The following KSR1 variants were observed in gnomAD, a reference collection of about 807,000 sequenced individuals.
The protein encoded by KSR1 is kinase suppressor of ras.
KSR1 carries 35 observed loss-of-function variants against 92.9 expected under a neutral mutation model. The ratio of observed to expected loss-of-function variants is 0.38; its 90% CI spans 0.29 to 0.50. KSR1 has a LOEUF of 0.50. Among genes scored for constraint, KSR1 ranks in the 20% least tolerant of loss-of-function variants. The probability of loss-of-function intolerance (pLI) is 0.94; values close to 1 mark genes in which losing one functional copy is unlikely to be tolerated. For missense variants in KSR1, 972 were observed against 1,158.5 expected (o/e 0.84, Z 2.34); for synonymous variants, 467 against 472.6 (o/e 0.99, Z 0.15).
chr17:27,548,259 A>G (rs2071260688), intron 1 of KSR1, among the ~76,000 whole-genome samples: 1 of 151,906 alleles, frequency 6.6e-6, no homozygotes, highest in Non-Finnish European at 1.5e-5. Context: ...AAAGATAAAA[A>G]AAGAAATAAA....
intron 1 of KSR1, among the ~76,000 whole-genome samples, chr17:27,503,174 T>C (rs2069252190): frequency 6.6e-6 from 1 of 152,168 alleles, no homozygotes; most frequent in Non-Finnish European, 1.5e-5. Flanking sequence ...TAATAAAGAG[T>C]ATACTTCTTG....
At chr17:27,623,243 C>G in intron 20 of KSR1, 71 bp from the exon 21 acceptor site, 1 of 722,554 alleles carries the variant, frequency 1.4e-6, no homozygotes, top group Non-Finnish European at 2.5e-6. Context: ...AACTCATTTC[C>G]TAGCTAGTGT....
chr17:27,460,432 A>G (rs1262381204), intron 1 of KSR1, among the ~76,000 whole-genome samples: 1 of 152,050 alleles, frequency 6.6e-6, no homozygotes, highest in African/African-American at 2.4e-5. Flanking sequence ...GTGGAGAAAA[A>G]TCCCTCCTAA....
At chr17:27,570,466 ATC>A (rs1422702167) in intron 2 of KSR1, among the ~76,000 whole-genome samples, 1 of 151,964 alleles carries the variant, frequency 6.6e-6, no homozygotes, top group Non-Finnish European at 1.5e-5. Context: ...AACCCCTCTC[ATC>A]TCTTTCTCCC....
intron 15 of KSR1, among the ~76,000 whole-genome samples, chr17:27,608,918 AC>A (rs763077128): frequency 2.6e-5 from 4 of 152,022 alleles, no homozygotes; most frequent in Non-Finnish European, 5.9e-5. Context: ...CACACCTCCT[AC>A]CTTAGCCAAG....
chr17:27,530,272 C>T (rs574482006), intron 1 of KSR1, among the ~76,000 whole-genome samples: 1 of 152,202 alleles, frequency 6.6e-6, no homozygotes, highest in Admixed American at 6.5e-5. Context: ...TGGTGAAACC[C>T]TGTCTGTACA....
chr17:27,465,590 G>A (rs949132718), intron 1 of KSR1: 3 of 152,192 alleles, frequency 2.0e-5, no homozygotes, highest in Non-Finnish European at 4.4e-5. Flanking sequence ...GGGGGAAAGT[G>A]TAATGCAAAA....
At chr17:27,582,158 G>C (rs182119335) in intron 3 of KSR1, among the ~76,000 whole-genome samples, 59 of 152,298 alleles carry the variant, frequency 3.9e-4, no homozygotes, top group African/African-American at 1.4e-3. Context: ...GCACGAGCCA[G>C]TTCCTCTCTG....
rs1415623058 is a variant in KSR1, at chr17:27,621,819, A to G, written c.2708+546A>G. On this transcript the variant is annotated intron_variant, in intron 20 of 20. Coordinates refer to ENST00000644974, the MANE Select transcript of KSR1 (RefSeq NM_001394583.1). ...ATGGCCCTTTCTCTCTGGAAGAGAA[A>G]GGGAGTCCCCTGCCCAGCTGCTCTG... The G allele has an allele frequency of 1.6e-5, 17 of 1,039,384 alleles. 1 individual carries two copies. The South Asian group carries it at 2.2e-4, about 14-fold the overall frequency. The allele number at this position is 1,039,384 out of a possible 1,614,324, so 64.4% of individuals were successfully genotyped here.
intron 1 of KSR1, among the ~76,000 whole-genome samples, chr17:27,491,737 C>T (rs188418179): frequency 3.1e-4 from 47 of 151,952 alleles, no homozygotes; most frequent in Admixed American, 5.2e-4. Flanking sequence ...CACAAGGGGG[C>T]GGTGGATTTG....
At position 27,559,632 on chromosome 17, in the gene KSR1, G is replaced by A. The variant is rs997527163; in HGVS notation, c.372+8924G>A. Among the ~76,000 whole-genome samples, 2 of 152,264 alleles carry A rather than the reference G, an allele frequency of 1.3e-5. No individual in the cohort carries two copies. The highest frequency in any genetic ancestry group is 4.8e-5 in the African/African-American group (2 of 41,480). ...CCTTCCTCTGCCCCAGGAGCACACA[G>A]ACTGGGGTGAAACAGGAAGTGAGAG... On this transcript the variant is annotated intron_variant, in intron 2 of 20. Coordinates refer to ENST00000644974, the MANE Select transcript of KSR1 (RefSeq NM_001394583.1). This position sits in a 1 kb window ranked among gnomAD's most constrained non-coding sequence, Gnocchi z 4.2.
intron 1 of KSR1, among the ~76,000 whole-genome samples, chr17:27,533,664 G>A (rs1048674862): frequency 1.3e-5 from 2 of 152,128 alleles, no homozygotes; most frequent in Non-Finnish European, 2.9e-5. Flanking sequence ...TTACAGGTGT[G>A]AGCCCCCGCA....
chr17:27,537,289 A>G (rs1276222423), intron 1 of KSR1, among the ~76,000 whole-genome samples: 1 of 151,948 alleles, frequency 6.6e-6, no homozygotes, highest in Non-Finnish European at 1.5e-5. Flanking sequence ...TATATAATAG[A>G]CTCGAAGGTA....
At chr17:27,469,715 C>T (rs545000911) in intron 1 of KSR1, among the ~76,000 whole-genome samples, 28 of 152,224 alleles carry the variant, frequency 1.8e-4, no homozygotes, top group African/African-American at 5.3e-4. Context: ...CCGCCTTTCA[C>T]GTAGCATTAC....
chr17:27,511,033 T>G (rs928070368), intron 1 of KSR1, among the ~76,000 whole-genome samples: 22 of 152,238 alleles, frequency 1.4e-4, no homozygotes, highest in Non-Finnish European at 2.6e-4. Context: ...AGCCTGCCTG[T>G]GCACACTGCA....
chr17:27,622,053 G>A, intron 20 of KSR1: 1 of 909,260 alleles, frequency 1.1e-6, no homozygotes, highest in South Asian at 1.4e-5. Flanking sequence ...TGCCACCTCT[G>A]CTGCTCCAGT....
chr17:27,457,920 C>T (rs1386368115), intron 1 of KSR1, among the ~76,000 whole-genome samples: 4 of 133,984 alleles, frequency 3.0e-5, no homozygotes, highest in Non-Finnish European at 6.4e-5. Context: ...CCCCCCGCCC[C>T]TTATTGCTAA....
intron 2 of KSR1, among the ~76,000 whole-genome samples, chr17:27,561,311 G>A (rs1212674679): frequency 3.9e-5 from 6 of 152,170 alleles, no homozygotes; most frequent in Admixed American, 2.6e-4. Flanking sequence ...CTGCCTTTGT[G>A]TGTGTGCACG....
chr17:27,524,499 C>T (rs1376426876), intron 1 of KSR1, among the ~76,000 whole-genome samples: 1 of 152,138 alleles, frequency 6.6e-6, no homozygotes, highest in Non-Finnish European at 1.5e-5. Context: ...CTAGATCTCC[C>T]CTCCCCATCC....
Sources: gnomAD v4.1 joint callset for allele counts (sites outside exome capture counted in the v4.1 genomes callset) on GRCh38, gnomAD v4.1.1 for gene constraint, Gnocchi (gnomAD v3.1) non-coding constraint, MANE v1.5 for transcripts, NCBI Gene and HGNC (gene_info 2026-07-23, HGNC 2026-07-21) for gene names.